MSRB3: variants seen among roughly 807,000 people sequenced by gnomAD.
MSRB3 encodes methionine-R-sulfoxide reductase B3.
Under a neutral mutation model 21.0 loss-of-function variants are expected in MSRB3, and 13 were observed. The ratio of observed to expected loss-of-function variants is 0.62; its 90% confidence interval spans 0.40 to 0.98. MSRB3 has a LOEUF of 0.98. MSRB3 is among the 50% of genes least tolerant of loss of function. The probability of loss-of-function intolerance (pLI) is 0.00; values close to 1 mark genes in which losing one functional copy is unlikely to be tolerated. For missense variants in MSRB3, 199 were observed against 230.3 expected, an observed-to-expected ratio of 0.86 and a Z score of 0.88; for synonymous variants, 87 against 88.6, an observed-to-expected ratio of 0.98 and a Z score of 0.10.
chr12:65,382,302 A>G (rs1878979262), intron 5 of MSRB3, among the ~76,000 whole-genome samples: 1 of 152,058 alleles, frequency 6.6e-6, no homozygotes, highest in African/African-American at 2.4e-5. Context: ...TCTACCAAAA[A>G]TAGTAACCCT....
chr12:65,425,034 GTT>G (rs146906966), intron 5 of MSRB3, among the ~76,000 whole-genome samples: 23 of 17,468 alleles, frequency 1.3e-3, no homozygotes, highest in Non-Finnish European at 1.9e-3. Context: ...TCTGGTTTTG[GTT>G]TTATATGTAT....
chr12:65,393,871 T>A (rs980868646), intron 5 of MSRB3, among the ~76,000 whole-genome samples: 10 of 152,058 alleles, frequency 6.6e-5, no homozygotes, highest in Non-Finnish European at 1.0e-4. Context: ...CTTTAAAAAA[T>A]TTTTTTAATA....
At chr12:65,279,153 C>G in intron 1 of MSRB3, 1 of 1,146,436 alleles carries the variant, frequency 8.7e-7, no homozygotes, top group Non-Finnish European at 1.1e-6. Context: ...GGGAGCGAAC[C>G]TGAACCCGCG....
intron 5 of MSRB3, among the ~76,000 whole-genome samples, chr12:65,375,543 C>A (rs1430597899): frequency 6.6e-6 from 1 of 152,032 alleles, no homozygotes; most frequent in Non-Finnish European, 1.5e-5. Context: ...GCTCAAGTGA[C>A]CTCCTGCCTC....
Position 65,326,828 on chromosome 12 carries a change from TC to T in MSRB3, c.80del (p.Ser27CysfsTer17). ...TCCCATATCCTCTCTCTTTTCAGGGTCGTGTAGGGATAAAAAGAACTGTAAG... is the reference window on the plus strand; with the variant it reads ...TCCCATATCCTCTCTCTTTTCAGGGTGTGTAGGGATAAAAAGAACTGTAAG... ...ALRACGLPSG[S>X]CRDKKNCKVV... On this transcript the variant is annotated frameshift_variant, in exon 3 of 7. Transcript: ENST00000308259. LOFTEE classifies it high-confidence loss of function. 6.2e-7 allele frequency: 1 copy of T among 1,612,780 alleles called. No homozygotes were observed. Among genetic ancestry groups the T allele is most frequent in the South Asian group, 1.1e-5 (1 of 90,994 alleles).
At chr12:65,372,005 C>T (rs1239940098) in intron 5 of MSRB3, among the ~76,000 whole-genome samples, 1 of 151,916 alleles carries the variant, frequency 6.6e-6, no homozygotes, top group Non-Finnish European at 1.5e-5. Flanking sequence ...AATTATTTGC[C>T]GAATTTGTTT....
chr12:65,349,618 G>T (rs1045339806), intron 4 of MSRB3, among the ~76,000 whole-genome samples: 1 of 145,934 alleles, frequency 6.9e-6, no homozygotes, highest in African/African-American at 2.8e-5. Flanking sequence ...GTGTGAGATG[G>T]TATCTCATTG....
chr12:65,353,129 A>T (rs1302468642), intron 4 of MSRB3, among the ~76,000 whole-genome samples: 1 of 152,132 alleles, frequency 6.6e-6, no homozygotes, highest in African/African-American at 2.4e-5. Flanking sequence ...TTTGGTGAGG[A>T]GTGCTTTGCT....
At position 65,422,418 on chromosome 12, in the gene MSRB3, ATATATATATATATTTATT is replaced by A. The variant is rs1195034689; in HGVS notation, c.293-31306_293-31289del. On this transcript the variant is annotated intron_variant, in intron 5 of 6. Coordinates refer to ENST00000308259, the MANE Select transcript of MSRB3 (RefSeq NM_001031679.3). ...TATATATATATATATATATATATAT[ATATATATATATATTTATT>A]TATTTATTTATGGGGTATATGGGAT... Among the ~76,000 whole-genome samples the A allele has an allele frequency of 5.1e-3, 229 of 44,808 alleles. 8 individuals carry two copies. The highest frequency in any genetic ancestry group is 9.5e-3 in the Non-Finnish European group (174 of 18,288). 29.4% of individuals were successfully genotyped at this position (44,808 alleles called of 152,430 possible).
chr12:65,338,175 C>T (rs1283699176), intron 4 of MSRB3, among the ~76,000 whole-genome samples: 1 of 152,092 alleles, frequency 6.6e-6, no homozygotes, highest in Non-Finnish European at 1.5e-5. Context: ...AATTCCCTGC[C>T]ATGTTTTCTG....
At chr12:65,402,458 C>T (rs1880182565) in intron 5 of MSRB3, among the ~76,000 whole-genome samples, 1 of 152,100 alleles carries the variant, frequency 6.6e-6, no homozygotes, top group Non-Finnish European at 1.5e-5. Flanking sequence ...TTTTTCAGGT[C>T]CATCGGGGTC....
At chr12:65,432,319 A>G (rs1034277541) in intron 5 of MSRB3, among the ~76,000 whole-genome samples, 2 of 152,002 alleles carry the variant, frequency 1.3e-5, no homozygotes, top group Non-Finnish European at 2.9e-5. Flanking sequence ...ACAAGCTGAA[A>G]TGTTATACCC....
intron 2 of MSRB3, among the ~76,000 whole-genome samples, chr12:65,323,413 C>T (rs990747205): frequency 3.9e-5 from 6 of 152,154 alleles, no homozygotes; most frequent in African/African-American, 9.7e-5. Flanking sequence ...CTGTAAGGAA[C>T]GGTGTTATGA....
At chr12:65,361,053 C>A (rs1257309508) in intron 4 of MSRB3, among the ~76,000 whole-genome samples, 1 of 151,888 alleles carries the variant, frequency 6.6e-6, no homozygotes. Context: ...AGTAATAATT[C>A]TTTCTTTTAT....
chr12:65,357,577 T>A (rs1877460190), intron 4 of MSRB3, among the ~76,000 whole-genome samples: 1 of 152,008 alleles, frequency 6.6e-6, no homozygotes, highest in African/African-American at 2.4e-5. Context: ...TTTTACCTAA[T>A]GTCCTTTTTC....
At chr12:65,371,573 A>ATATG (rs1878328263) in intron 5 of MSRB3, among the ~76,000 whole-genome samples, 1 of 147,788 alleles carries the variant, frequency 6.8e-6, no homozygotes, top group Admixed American at 6.7e-5. Context: ...GTTAAATTTT[A>ATATG]TGTGTGTGTG....
At position 65,353,941 on chromosome 12, in the gene MSRB3, C is replaced by T. The variant is rs570832890; in HGVS notation, c.264-15057C>T. Among the ~76,000 whole-genome samples, 398 of 152,034 alleles carry T rather than the reference C, an allele frequency of 2.6e-3. 1 individual carries two copies. The highest frequency in any genetic ancestry group is 9.2e-3 in the African/African-American group (380 of 41,520). ...GCCTGGTGGTGACAAAATCTCTCAGCATTTGCTTGTCTGTAAAGGATTTTA... is the reference window on the plus strand; with the variant it reads ...GCCTGGTGGTGACAAAATCTCTCAGTATTTGCTTGTCTGTAAAGGATTTTA... On this transcript the variant is annotated intron_variant, in intron 4 of 6. Coordinates refer to ENST00000308259, the MANE Select transcript of MSRB3 (RefSeq NM_001031679.3).
chr12:65,402,240 G>A (rs755429800), intron 5 of MSRB3, among the ~76,000 whole-genome samples: 9 of 152,020 alleles, frequency 5.9e-5, no homozygotes, highest in Non-Finnish European at 2.9e-5. Context: ...CATCACTTTC[G>A]GGTACACCAG....
chr12:65,358,041 T>C (rs1877489541), intron 4 of MSRB3, among the ~76,000 whole-genome samples: 1 of 151,762 alleles, frequency 6.6e-6, no homozygotes. Flanking sequence ...GAAGGCAGAG[T>C]ATCTCTACAT....
Sources: allele counts gnomAD v4.1 joint callset (sites outside exome capture counted in the v4.1 genomes callset), GRCh38; gene constraint gnomAD v4.1.1; transcripts MANE v1.5; gene names NCBI Gene and HGNC (gene_info 2026-07-23, HGNC 2026-07-21).